CDH12: variants seen among roughly 807,000 people sequenced by gnomAD.
The protein encoded by CDH12 is cadherin 12.
A neutral mutation model predicts 74.1 loss-of-function variants in CDH12; 41 were observed. The ratio of observed to expected loss-of-function variants is 0.55; its 90% CI spans 0.43 to 0.72. The LOEUF is 0.72. Ranked by LOEUF, CDH12 falls within the 30% of genes least tolerant of loss-of-function variation. The probability of loss-of-function intolerance (pLI) is 0.00; values close to 1 mark genes in which losing one functional copy is unlikely to be tolerated. For synonymous variants in CDH12, 399 were observed against 355.0 expected (o/e 1.12, Z -1.39); for missense variants, 945 against 977.2 (o/e 0.97, Z 0.44).
rs144784959 is a variant in CDH12, at chr5:22,726,954, G to A, written c.-523+126104C>T. ...TCTTAAAATATGTAATATTACTCTA[G>A]TATTATGTACTTCTGTCCTTTAGCG... is the stretch of plus-strand genomic sequence containing the variant. On this transcript the variant is annotated intron_variant, in intron 1 of 14. Coordinates refer to ENST00000382254, the MANE Select transcript of CDH12 (RefSeq NM_004061.5). Among the ~76,000 whole-genome samples, 4 of 151,858 alleles carry A rather than the reference G, an allele frequency of 2.6e-5. No individual in the cohort carries two copies. In the East Asian group the frequency reaches 7.7e-4, roughly 29 times the overall value.
chr5:22,198,164 T>A (rs1413943494), intron 4 of CDH12, among the ~76,000 whole-genome samples: 3 of 152,248 alleles, frequency 2.0e-5, no homozygotes, highest in Admixed American at 6.5e-5. Context: ...AATGTCTCTA[T>A]GTAATTACCA....
At chr5:22,041,050 A>G in intron 5 of CDH12, among the ~76,000 whole-genome samples, 1 of 152,048 alleles carries the variant, frequency 6.6e-6, no homozygotes, top group Non-Finnish European at 1.5e-5. Context: ...AAAAATATAA[A>G]ATATAGGGGG....
At chr5:21,957,004 A>G (rs961462577) in intron 6 of CDH12, among the ~76,000 whole-genome samples, 1 of 151,832 alleles carries the variant, frequency 6.6e-6, no homozygotes, top group Non-Finnish European at 1.5e-5. Context: ...TGTACAGATC[A>G]TTTTGTCACC....
intron 1 of CDH12, among the ~76,000 whole-genome samples, chr5:22,756,705 T>C (rs1283217737): frequency 1.3e-5 from 2 of 152,116 alleles, no homozygotes; most frequent in Non-Finnish European, 2.9e-5. Flanking sequence ...CTCACACCTG[T>C]AATCCCAGCA....
chr5:22,281,916 A>C (rs573183739), intron 3 of CDH12, among the ~76,000 whole-genome samples: 1 of 152,296 alleles, frequency 6.6e-6, no homozygotes, highest in Admixed American at 6.5e-5. Context: ...CGCATAGCAA[A>C]GACAATCCTC....
rs1156741065 is a variant in CDH12, at chr5:22,586,836, GA to G, written c.-522-81473del. On this transcript the variant is annotated intron_variant, in intron 1 of 14. Coordinates refer to ENST00000382254, the MANE Select transcript of CDH12 (RefSeq NM_004061.5). Reference sequence around the variant, plus strand: ...CCCAATGCAACAGAGTTTAGAGGAGGATTTTTTTTTTTTTTTTTTTTTTGGA... The same window carrying G: ...CCCAATGCAACAGAGTTTAGAGGAGGTTTTTTTTTTTTTTTTTTTTTTGGA... 5.9e-4 allele frequency among the ~76,000 whole-genome samples: 65 copies of G among 110,702 alleles called. 1 individual carries two copies. Among genetic ancestry groups the G allele is most frequent in the Non-Finnish European group, 8.4e-4 (47 of 55,712 alleles). 72.6% of individuals were successfully genotyped at this position (110,702 alleles called of 152,430 possible).
chr5:22,585,250 C>G (rs1229369565), intron 1 of CDH12, among the ~76,000 whole-genome samples: 2 of 152,130 alleles, frequency 1.3e-5, no homozygotes, highest in East Asian at 3.8e-4. Context: ...ATTGTTGCTG[C>G]TGGGGTGTAA....
At chr5:22,415,084 C>T (rs1371918506) in intron 2 of CDH12, among the ~76,000 whole-genome samples, 1 of 152,098 alleles carries the variant, frequency 6.6e-6, no homozygotes, top group South Asian at 2.1e-4. Context: ...TGCAGATTAG[C>T]ATGAAAGCAA....
chr5:21,789,966 G>A (rs536848180), intron 10 of CDH12, among the ~76,000 whole-genome samples: 1 of 152,130 alleles, frequency 6.6e-6, no homozygotes, highest in East Asian at 1.9e-4. Flanking sequence ...CTTCCTGCCT[G>A]TATAATAGTT....
chr5:22,688,362 A>G (rs1241982316), intron 1 of CDH12, among the ~76,000 whole-genome samples: 3 of 152,224 alleles, frequency 2.0e-5, no homozygotes, highest in Admixed American at 2.0e-4. Context: ...GGGTATAATG[A>G]TAAAGGAGAA....
intron 6 of CDH12, among the ~76,000 whole-genome samples, chr5:21,966,763 A>G (rs1281182783): frequency 6.6e-6 from 1 of 151,850 alleles, no homozygotes; most frequent in African/African-American, 2.4e-5. Context: ...TTATTTTTCA[A>G]TTCACTCAGG....
chr5:21,861,899 AGTGT>A (rs59953319), intron 6 of CDH12, among the ~76,000 whole-genome samples: 105 of 147,830 alleles, frequency 7.1e-4, no homozygotes, highest in African/African-American at 2.6e-3. Context: ...GGTCATTTCT[AGTGT>A]GTGTGTGTGT....
intron 1 of CDH12, among the ~76,000 whole-genome samples, chr5:22,688,991 G>T (rs182787376): frequency 1.1e-3 from 171 of 152,232 alleles, no homozygotes; most frequent in South Asian, 2.1e-3. Context: ...AGTCTGCTTT[G>T]TAACTAGAGC....
chr5:22,785,811 C>T (rs997960756), intron 1 of CDH12, among the ~76,000 whole-genome samples: 2 of 152,084 alleles, frequency 1.3e-5, no homozygotes, highest in Admixed American at 1.3e-4. Context: ...TGCCACCATG[C>T]CCAGCCTTAT....
At chr5:22,354,684 A>G (rs1740489350) in intron 3 of CDH12, among the ~76,000 whole-genome samples, 1 of 152,178 alleles carries the variant, frequency 6.6e-6, no homozygotes, top group Non-Finnish European at 1.5e-5. Context: ...CTAGCTCCAA[A>G]GGCAGTGCTC....
intron 3 of CDH12, among the ~76,000 whole-genome samples, chr5:22,335,158 T>C (rs1739518081): frequency 6.6e-6 from 1 of 152,164 alleles, no homozygotes; most frequent in African/African-American, 2.4e-5. Flanking sequence ...AAAAAAAATC[T>C]AATTATCTGA....
chr5:22,194,116 T>C (rs557610684), intron 4 of CDH12, among the ~76,000 whole-genome samples: 1 of 152,212 alleles, frequency 6.6e-6, no homozygotes, highest in Admixed American at 6.5e-5. Context: ...TCCTCTGTGC[T>C]AGAAGATCTA....
intron 1 of CDH12, among the ~76,000 whole-genome samples, chr5:22,585,698 C>T (rs909302412): frequency 2.0e-5 from 3 of 152,176 alleles, no homozygotes; most frequent in East Asian, 1.9e-4. Flanking sequence ...CCCTTAAACC[C>T]GTCCAGTGAC....
intron 4 of CDH12, among the ~76,000 whole-genome samples, chr5:22,183,763 A>T (rs894157370): frequency 6.6e-6 from 1 of 152,162 alleles, no homozygotes; most frequent in Non-Finnish European, 1.5e-5. Flanking sequence ...AGCTAAACAG[A>T]ATTGACTGAA....
Sources: allele counts gnomAD v4.1 joint callset (sites outside exome capture counted in the v4.1 genomes callset), GRCh38; gene constraint gnomAD v4.1.1; transcripts MANE v1.5; gene names NCBI Gene and HGNC (gene_info 2026-07-23, HGNC 2026-07-21).